Variants in PCDHGA7 observed in about 807,000 individuals in gnomAD.
PCDHGA7 encodes protocadherin gamma subfamily A, 7, also known as protocadherin gamma-A7.
Under a neutral mutation model 58.3 loss-of-function variants are expected in PCDHGA7, and 44 were observed. The observed-to-expected ratio is 0.75, with a 90% CI of 0.59 to 0.97. The LOEUF is 0.97. PCDHGA7 is among the 50% of genes least tolerant of loss of function. The probability of loss-of-function intolerance (pLI) is 0.00; values close to 1 mark genes in which losing one functional copy is unlikely to be tolerated. For synonymous variants in PCDHGA7, 516 were observed against 504.2 expected (o/e 1.02, Z -0.31); for missense variants, 1,266 against 1,188.7 (o/e 1.06, Z -0.96).
chr5:141,452,587 A>G (rs1171400700), intron 1 of PCDHGA7, among the ~76,000 whole-genome samples: 1 of 151,948 alleles, frequency 6.6e-6, no homozygotes, highest in Non-Finnish European at 1.5e-5. Context: ...CCATCTTTGT[A>G]TTTTTATTTT....
rs1025148587 is a variant in PCDHGA7 at position 141,431,434 on chromosome 5, C to A, written c.2424+46111C>A. ...GGGGCGACCCGGTGCGCACAGGCAC[C>A]GCGCGCATCCGCGTGATGGTTCTGG... On this transcript the variant is annotated intron_variant, in intron 1 of 3. Transcript: ENST00000518325. This position sits in a 1 kb window ranked among gnomAD's most constrained non-coding sequence, Gnocchi z 4.8. 1.2e-6 allele frequency: 2 copies of A among 1,613,690 alleles called. No homozygotes were observed. Among genetic ancestry groups the A allele is most frequent in the Admixed American group, 1.7e-5 (1 of 60,014 alleles).
At position 141,407,135 on chromosome 5, in the gene PCDHGA7, G is replaced by GA. The variant is rs796659459; in HGVS notation, c.2424+21820dup. The stretch of plus-strand genomic sequence containing the variant: ...TGGGTTTCAGTTGCTTTATTTTTAA[G>GA]AAAAAAAAGCTGAAGTGTCTGGGAA... On this transcript the variant is annotated intron_variant, in intron 1 of 3. Coordinates refer to ENST00000518325, the MANE Select transcript of PCDHGA7 (RefSeq NM_018920.4). 3.3e-5 allele frequency among the ~76,000 whole-genome samples: 5 copies of GA among 151,810 alleles called. No homozygotes were observed. In the South Asian group the frequency reaches 6.2e-4, roughly 19 times the overall value.
At chr5:141,394,618 C>T (rs1439211567) in intron 1 of PCDHGA7, 2 of 1,613,396 alleles carry the variant, frequency 1.2e-6, no homozygotes, top group African/African-American at 1.3e-5. Context: ...GGCCAGAACG[C>T]CTGGCTGTCC....
chr5:141,397,372 G>A (rs1014875277), intron 1 of PCDHGA7, among the ~76,000 whole-genome samples: 3 of 152,012 alleles, frequency 2.0e-5, no homozygotes, highest in Admixed American at 6.6e-5. Context: ...AGATGTTTGG[G>A]GATTGGTATA....
intron 1 of PCDHGA7, chr5:141,427,552 C>T (rs1233231671): frequency 1.5e-6 from 1 of 645,244 alleles, no homozygotes; most frequent in South Asian, 1.5e-5. Context: ...ATCACTGCCA[C>T]TGACAAGGGC....
chr5:141,492,230 C>T (rs1286145654), intron 1 of PCDHGA7, among the ~76,000 whole-genome samples: 1 of 152,196 alleles, frequency 6.6e-6, no homozygotes. Flanking sequence ...CGTGTCCTCC[C>T]TGCTGGCCAC....
At chr5:141,484,790 A>T (rs1562101198) in intron 1 of PCDHGA7, among the ~76,000 whole-genome samples, 1 of 152,076 alleles carries the variant, frequency 6.6e-6, no homozygotes, top group Admixed American at 6.6e-5. Flanking sequence ...CACAGAGATA[A>T]CAACCCGTGG....
At chr5:141,418,672 G>A (rs1170411469) in intron 1 of PCDHGA7, 3 of 1,614,022 alleles carry the variant, frequency 1.9e-6, no homozygotes, top group Non-Finnish European at 2.5e-6. Context: ...ACCAGGACGA[G>A]GGCATCAACT....
intron 1 of PCDHGA7, chr5:141,422,152 G>A (rs979405624): frequency 1.3e-5 from 20 of 1,575,764 alleles, no homozygotes; most frequent in Non-Finnish European, 1.5e-5. Flanking sequence ...GGGGTCTCTG[G>A]ATTTTGAAAA....
chr5:141,398,753 G>A (rs141932976), intron 1 of PCDHGA7: 3 of 1,613,452 alleles, frequency 1.9e-6, no homozygotes, highest in East Asian at 2.2e-5. Flanking sequence ...AGTTACCATC[G>A]TTTAGTCCTG....
chr5:141,400,639 C>A, intron 1 of PCDHGA7: 1 of 1,310,186 alleles, frequency 7.6e-7, no homozygotes, highest in Non-Finnish European at 1.1e-6. Context: ...CAGAGCTGCT[C>A]AGAAAGCTGT....
chr5:141,384,879 C>T lies in PCDHGA7; in HGVS notation c.1980C>T (p.Leu660=), dbSNP rs771003299. The T allele has an allele frequency of 6.2e-7, 1 of 1,613,874 alleles. No individual in the cohort carries two copies. Among genetic ancestry groups the T allele is most frequent in the Middle Eastern group, 1.6e-4 (1 of 6,062 alleles). ...CTCCTCTGTCAGCCACCGTCACACTCACCGTGGCTGTGGCTGACAGCATCC... is the reference window on the plus strand; with the variant it reads ...CTCCTCTGTCAGCCACCGTCACACTTACCGTGGCTGTGGCTGACAGCATCC... The part of the protein sequence containing the change: ...GQPPLSATVT[L]TVAVADSIPE... Residue 660 remains leucine (L), a synonymous_variant, in exon 1 of 4, where the codon CTC becomes CTT. Transcript: ENST00000518325.
At position 141,415,428 on chromosome 5, in the gene PCDHGA7, G is replaced by T. The variant is rs948747218; in HGVS notation, c.2424+30105G>T. 1.5e-5 allele frequency: 24 copies of T among 1,614,088 alleles called. No individual in the cohort carries two copies. In the Admixed American group the frequency reaches 1.7e-4, roughly 11 times the overall value. ...ACTTTGTGGGCGTGGACGGGGTTCG[G>T]GCTTTCCTGCAGACCTATTCCCACG... On this transcript the variant is annotated intron_variant, in intron 1 of 3. Transcript: ENST00000518325.
chr5:141,444,240 C>T (rs1017550385), intron 1 of PCDHGA7, among the ~76,000 whole-genome samples: 4 of 128,690 alleles, frequency 3.1e-5, no homozygotes, highest in African/African-American at 5.9e-5. Context: ...GGCATGCTCT[C>T]GGCTCACTGC....
chr5:141,408,157 T>C (rs748693406), intron 1 of PCDHGA7: 70 of 1,514,372 alleles, frequency 4.6e-5, no homozygotes, highest in Non-Finnish European at 5.9e-5. Flanking sequence ...AGAGTGCACT[T>C]TCTCCAACTG....
intron 3 of PCDHGA7, 110 bp downstream of exon 3, chr5:141,505,591 G>T: frequency 6.4e-7 from 1 of 1,570,280 alleles, no homozygotes; most frequent in Non-Finnish European, 8.7e-7. Flanking sequence ...AGTTTCTCCA[G>T]ATCTTTCGGC....
chr5:141,414,023 A>G lies in PCDHGA7; in HGVS notation c.2424+28700A>G, dbSNP rs746044242. 5 of 1,612,692 alleles carry G rather than the reference A, an allele frequency of 3.1e-6. No homozygotes were observed. The highest frequency in any genetic ancestry group is 2.2e-5 in the East Asian group (1 of 44,836). ...GAAGGTGCCAATGGAGAAGTGACAT[A>G]TTCATTCCGAAAATTACCTGACACG... On this transcript the variant is annotated intron_variant, in intron 1 of 3. Transcript: ENST00000518325.
intron 1 of PCDHGA7, chr5:141,415,056 G>A (rs1367441891): frequency 1.2e-6 from 2 of 1,613,416 alleles, no homozygotes; most frequent in East Asian, 2.2e-5. Context: ...GGGAGCACAC[G>A]GGCGAGGTGC....
intron 1 of PCDHGA7, among the ~76,000 whole-genome samples, chr5:141,472,561 T>C (rs1000220187): frequency 2.6e-5 from 4 of 151,632 alleles, no homozygotes; most frequent in African/African-American, 9.7e-5. Flanking sequence ...AATTATATTA[T>C]AAATGCTGCA....
Sources: gnomAD v4.1 joint callset for allele counts (sites outside exome capture counted in the v4.1 genomes callset) on GRCh38, gnomAD v4.1.1 for gene constraint, Gnocchi (gnomAD v3.1) non-coding constraint, MANE v1.5 for transcripts, NCBI Gene and HGNC (gene_info 2026-07-23, HGNC 2026-07-21) for gene names.